Variants in TNC observed in about 807,000 individuals in gnomAD.
The protein encoded by TNC is tenascin C, also known as tenascin.
In TNC, 109 loss-of-function variants were observed where a neutral mutation model predicts 202.4. The observed-to-expected ratio is 0.54, with a 90% CI of 0.46 to 0.63. The LOEUF is 0.63. Ranked by LOEUF, TNC falls within the 30% of genes least tolerant of loss-of-function variation. The pLI, the probability that TNC is intolerant of heterozygous loss-of-function variation, is 0.00. For missense variants in TNC, 2,756 were observed against 2,833.3 expected (o/e 0.97, Z 0.62); for synonymous variants, 1,007 against 1,089.7 (o/e 0.92, Z 1.50).
intron 10 of TNC, among the ~76,000 whole-genome samples, chr9:115,072,469 G>A (rs533792678): frequency 4.2e-4 from 64 of 152,326 alleles, no homozygotes; most frequent in Non-Finnish European, 7.9e-4. Flanking sequence ...TGAGACTGAA[G>A]ATATTGTGAG....
chr9:115,098,094 A>C (rs1835932186), intron 1 of TNC, among the ~76,000 whole-genome samples: 1 of 152,208 alleles, frequency 6.6e-6, no homozygotes, highest in Non-Finnish European at 1.5e-5. Flanking sequence ...TGGTCCTGAA[A>C]GCTTTTGTGG....
chr9:115,055,697 C>G (rs1832062672), intron 15 of TNC: 1 of 152,534 alleles, frequency 6.6e-6, no homozygotes, highest in South Asian at 2.1e-4. Flanking sequence ...GATGGACACA[C>G]TGCCCCAGGT....
At chr9:115,072,002 A>G (rs970914902) in intron 10 of TNC, among the ~76,000 whole-genome samples, 1 of 152,256 alleles carries the variant, frequency 6.6e-6, no homozygotes, top group Non-Finnish European at 1.5e-5. Context: ...AGAATTGACC[A>G]CGTAAACTCA....
chr9:115,073,897 T>A, intron 9 of TNC, 31 bp from the exon 10 acceptor site: 1 of 1,596,564 alleles, frequency 6.3e-7, no homozygotes, highest in East Asian at 2.2e-5. Flanking sequence ...TGAATGCTCT[T>A]CAGGCTGCAA....
At chr9:115,061,562 A>G (rs895675191) in intron 13 of TNC, among the ~76,000 whole-genome samples, 5 of 152,246 alleles carry the variant, frequency 3.3e-5, no homozygotes, top group Admixed American at 2.0e-4. Flanking sequence ...CAACACAGGA[A>G]TAAAACCTGG....
intron 9 of TNC, among the ~76,000 whole-genome samples, 178 bp downstream of exon 9, chr9:115,075,854 T>C (rs1469960366): frequency 6.6e-6 from 1 of 152,232 alleles, no homozygotes; most frequent in Non-Finnish European, 1.5e-5. Context: ...GTTGGCATCA[T>C]ACAGATGGAC....
intron 7 of TNC, 66 bp from the exon 8 acceptor site, chr9:115,076,641 C>T: frequency 6.5e-7 from 1 of 1,540,556 alleles, no homozygotes; most frequent in Non-Finnish European, 8.8e-7. Context: ...TCTTTGACAG[C>T]TCAAGCTGAC....
In TNC at chr9:115,090,731, G is replaced by A. The variant is rs1329926123; in HGVS notation, c.288C>T (p.Asn96=). The part of the protein sequence containing the change: ...SFQEHTVDGE[N]QIVFTHRINI... The stretch of plus-strand genomic sequence containing the variant: ...TGATGCGATGTGTGAAGACAATCTG[G>A]TTTTCCCCATCCACTGTGTGCTCCT... The change falls in exon 2 of 28, where the codon AAC becomes AAT. Residue 96 remains asparagine, a synonymous_variant. Transcript: ENST00000350763. The A allele has an allele frequency of 2.5e-6, 4 of 1,614,098 alleles. No homozygotes were observed. The African/African-American group carries it at 5.3e-5, about 22-fold the overall frequency.
At chr9:115,074,379 C>T (rs927199845) in intron 9 of TNC, among the ~76,000 whole-genome samples, 2 of 152,212 alleles carry the variant, frequency 1.3e-5, no homozygotes, top group East Asian at 3.9e-4. Context: ...CTTGCCCCTT[C>T]TGTCCTGTGA....
intron 9 of TNC, among the ~76,000 whole-genome samples, chr9:115,074,996 C>G (rs1478397939): frequency 6.6e-6 from 1 of 152,068 alleles, no homozygotes; most frequent in East Asian, 1.9e-4. Flanking sequence ...CTACAATTAT[C>G]TCAAAATCAA....
Position 115,040,633 on chromosome 9 carries a change from T to C in TNC, c.5392+308A>G, listed in dbSNP as rs557800035. Among the ~76,000 whole-genome samples, 4 of 152,300 alleles carry C rather than the reference T, an allele frequency of 2.6e-5. No homozygotes were observed. The East Asian group carries it at 7.7e-4, about 29-fold the overall frequency. Reference sequence around the variant, plus strand: ...CTGATAGCTCATGTAGTTGGTAGAATTTGGATTTAAATTCAGGTAAGTATG... The same window carrying C: ...CTGATAGCTCATGTAGTTGGTAGAACTTGGATTTAAATTCAGGTAAGTATG... On this transcript the variant is annotated intron_variant, in intron 19 of 27. Coordinates refer to ENST00000350763, the MANE Select transcript of TNC (RefSeq NM_002160.4).
intron 9 of TNC, among the ~76,000 whole-genome samples, chr9:115,075,573 T>G (rs1833783511): frequency 6.6e-6 from 1 of 151,932 alleles, no homozygotes; most frequent in African/African-American, 2.4e-5. Context: ...GATCATGAGG[T>G]CAAGAGATTG....
chr9:115,041,300 CAG>C lies in TNC; in HGVS notation c.5249-218_5249-217del, dbSNP rs72000846. On this transcript the variant is annotated intron_variant, in intron 18 of 27. Transcript: ENST00000350763. ...TTGGTGCAGATGCCAAAAACAAAGC[CAG>C]GAGGGGCGGGGGAAAACATGAAGTC... Among the ~76,000 whole-genome samples the C allele has an allele frequency of 0.14, 16,841 of 122,676 alleles. 1,330 individuals carry two copies. Among genetic ancestry groups the C allele is most frequent in the Non-Finnish European group, 0.19 (11,043 of 58,254 alleles). The allele number at this position is 122,676 out of a possible 152,430, so 80.5% of individuals were successfully genotyped here.
chr9:115,052,561 G>A (rs1831779735), intron 15 of TNC, among the ~76,000 whole-genome samples: 1 of 152,106 alleles, frequency 6.6e-6, no homozygotes, highest in Non-Finnish European at 1.5e-5. Flanking sequence ...AATCCACAAT[G>A]TATATGTATA....
chr9:115,047,070 C>G (rs910693424), intron 16 of TNC, among the ~76,000 whole-genome samples: 2 of 152,040 alleles, frequency 1.3e-5, no homozygotes, highest in Admixed American at 6.6e-5. Flanking sequence ...AGACCTTTTT[C>G]TTTTCTTTTT....
chr9:115,067,156 A>C (rs751535450), intron 10 of TNC, among the ~76,000 whole-genome samples: 1 of 152,248 alleles, frequency 6.6e-6, no homozygotes, highest in Non-Finnish European at 1.5e-5. Context: ...TGAGGCCAGA[A>C]ACAGTTCCCT....
At position 115,090,655 on chromosome 9, in the gene TNC, G is replaced by A; in HGVS notation, c.364C>T (p.Leu122=). 1 of 1,613,964 alleles carries A rather than the reference G, an allele frequency of 6.2e-7. No homozygotes were observed. Among genetic ancestry groups the A allele is most frequent in the Non-Finnish European group, 8.5e-7 (1 of 1,179,844 alleles). ...GCAAAPDVKE[L]LSRLEELENL... ...TCCAGCTCCTCCAGTCTGCTCAGCAGCTCCTTAACATCAGGGGCTGCGGCA... is the reference window on the plus strand; with the variant it reads ...TCCAGCTCCTCCAGTCTGCTCAGCAACTCCTTAACATCAGGGGCTGCGGCA... The change falls in exon 2 of 28, where the codon CTG becomes TTG. Residue 122 remains leucine (L), a synonymous_variant. Coordinates refer to ENST00000350763, the MANE Select transcript of TNC (RefSeq NM_002160.4).
Position 115,048,420 on chromosome 9 carries a change from C to T in TNC, c.4692G>A (p.Val1564=), listed in dbSNP as rs748482237. The T allele has an allele frequency of 5.0e-6, 8 of 1,613,894 alleles. No individual in the cohort carries two copies. The highest frequency in any genetic ancestry group is 1.3e-5 in the African/African-American group (1 of 74,904). ...GGGGGTCCAGCAGCTTCCCAGAATC[C>T]ACCACCGTTACTAGAAAGCTGTCAA... ...NAFDSFLVTV[V]DSGKLLDPQE... The change falls in exon 16 of 28, where the codon GTG becomes GTA. Residue 1564 remains valine (V), a synonymous_variant. Coordinates refer to ENST00000350763, the MANE Select transcript of TNC (RefSeq NM_002160.4).
At chr9:115,060,279 A>G (rs930345081) in intron 13 of TNC, among the ~76,000 whole-genome samples, 1 of 152,186 alleles carries the variant, frequency 6.6e-6, no homozygotes, top group African/African-American at 2.4e-5. Context: ...ATGCATTGCT[A>G]GCAGGTGAAA....
Sources: gnomAD v4.1 joint callset for allele counts (sites outside exome capture counted in the v4.1 genomes callset) on GRCh38, gnomAD v4.1.1 for gene constraint, MANE v1.5 for transcripts, NCBI Gene and HGNC (gene_info 2026-07-23, HGNC 2026-07-21) for gene names.